Variants in ATL2 observed in about 807,000 individuals in gnomAD.
ATL2 encodes atlastin-2.
ATL2 carries 31 observed loss-of-function variants against 73.9 expected under a neutral mutation model. The observed-to-expected ratio is 0.42, with a 90% confidence interval of 0.32 to 0.57. The LOEUF is 0.57. ATL2 is among the 20% of genes least tolerant of loss of function. ATL2 has a pLI of 0.14. For missense variants in ATL2, 738 were observed against 702.6 expected (o/e 1.05, Z -0.57); for synonymous variants, 291 against 237.5 (o/e 1.23, Z -2.07).
Position 38,313,258 on chromosome 2 carries a change from A to T in ATL2, c.712-15T>A. The T allele has an allele frequency of 6.4e-7, 1 of 1,561,836 alleles. No homozygotes were observed. The highest frequency in any genetic ancestry group is 8.7e-7 in the Non-Finnish European group (1 of 1,151,000). ...AACATTAATGTCTATACACAGAAAA[A>T]ATAAAAATTGTTTATTTTACAATAA... is the stretch of plus-strand genomic sequence containing the variant. On this transcript the variant is annotated splice_polypyrimidine_tract_variant and intron_variant, in intron 6 of 12. Transcript: ENST00000378954.
chr2:38,366,229 G>C (rs931788342), intron 1 of ATL2, among the ~76,000 whole-genome samples: 1 of 152,146 alleles, frequency 6.6e-6, no homozygotes, highest in African/African-American at 2.4e-5. Flanking sequence ...CTCAAAAACA[G>C]GATGAAGGAA....
intron 1 of ATL2, chr2:38,359,738 T>C (rs1212811244): frequency 6.6e-6 from 1 of 152,176 alleles, no homozygotes; most frequent in African/African-American, 2.4e-5. Context: ...GGTTTATAAA[T>C]GTATAAACTC....
At chr2:38,368,795 T>C (rs1671498183) in intron 1 of ATL2, among the ~76,000 whole-genome samples, 1 of 151,974 alleles carries the variant, frequency 6.6e-6, no homozygotes. Context: ...AAGCAATTAA[T>C]AAAAAGAAGT....
In ATL2 at chr2:38,331,971, A is replaced by T. The variant is rs562207990; in HGVS notation, c.363+11297T>A. Among the ~76,000 whole-genome samples, 3 of 152,342 alleles carry T rather than the reference A, an allele frequency of 2.0e-5. No homozygotes were observed. In the East Asian group the frequency reaches 5.8e-4, roughly 29 times the overall value. On this transcript the variant is annotated intron_variant, in intron 2 of 12. Transcript: ENST00000378954. ...AATGGATAAAGTGTGGTATATCCACACAAGAGAATATTATTCAGCCATAAA... is the reference window on the plus strand; with the variant it reads ...AATGGATAAAGTGTGGTATATCCACTCAAGAGAATATTATTCAGCCATAAA...
At chr2:38,356,284 T>C (rs979492994) in intron 1 of ATL2, among the ~76,000 whole-genome samples, 4 of 151,962 alleles carry the variant, frequency 2.6e-5, no homozygotes, top group African/African-American at 7.3e-5. Flanking sequence ...AATGGTGCGA[T>C]CTCGGCTCAA....
intron 2 of ATL2, among the ~76,000 whole-genome samples, chr2:38,342,160 G>A (rs1573530374): frequency 6.6e-6 from 1 of 151,696 alleles, no homozygotes; most frequent in Non-Finnish European, 1.5e-5. Context: ...GTCAGGGAGA[G>A]ATAGGTAAGT....
chr2:38,343,516 G>C lies in ATL2; in HGVS notation c.119-4C>G. The C allele has an allele frequency of 1.3e-6, 2 of 1,599,144 alleles. No individual in the cohort carries two copies. Among genetic ancestry groups the C allele is most frequent in the East Asian group, 2.2e-5 (1 of 44,664 alleles). ...TCATCATCTTCATAATTCTCACCTA[G>C]AATTTAAAAAGAAAGAAACTGGTTA... On this transcript the variant is annotated splice_polypyrimidine_tract_variant and splice_region_variant and intron_variant, in intron 1 of 12. Coordinates refer to ENST00000378954, the MANE Select transcript of ATL2 (RefSeq NM_001135673.4).
chr2:38,325,622 G>GTACA (rs201332512), intron 2 of ATL2, among the ~76,000 whole-genome samples: 2 of 87,760 alleles, frequency 2.3e-5, no homozygotes, highest in African/African-American at 6.6e-5. Context: ...ACACACACCA[G>GTACA]TACATACACA....
At chr2:38,347,901 GAAC>G (rs1391977384) in intron 1 of ATL2, among the ~76,000 whole-genome samples, 3 of 151,422 alleles carry the variant, frequency 2.0e-5, no homozygotes, top group Non-Finnish European at 4.4e-5. Flanking sequence ...AGAGTAGCTG[GAAC>G]AACAGATGCC....
At chr2:38,296,578 G>A in intron 12 of ATL2, 4 of 1,613,950 alleles carry the variant, frequency 2.5e-6, no homozygotes, top group Non-Finnish European at 3.4e-6. Flanking sequence ...ACTTCAAACA[G>A]TTTGGAAAAC....
intron 7 of ATL2, among the ~76,000 whole-genome samples, chr2:38,312,049 A>T (rs929493701): frequency 2.0e-5 from 3 of 152,230 alleles, no homozygotes; most frequent in Non-Finnish European, 2.9e-5. Context: ...CAAGTCTTTA[A>T]TGCAGTTGAG....
At chr2:38,368,468 T>A (rs1383370010) in intron 1 of ATL2, among the ~76,000 whole-genome samples, 1 of 151,820 alleles carries the variant, frequency 6.6e-6, no homozygotes, top group East Asian at 1.9e-4. Context: ...GTCAGGCTGG[T>A]CTCGAACTCC....
intron 2 of ATL2, among the ~76,000 whole-genome samples, chr2:38,334,892 A>AATATATT (rs1553336548): frequency 1.1e-4 from 12 of 113,406 alleles, no homozygotes; most frequent in Admixed American, 2.7e-4. Context: ...ATAATATATA[A>AATATATT]TATATATTAT....
Position 38,299,248 on chromosome 2 carries a change from G to T in ATL2, c.1200+8C>A. 4 of 1,492,738 alleles carry T rather than the reference G, an allele frequency of 2.7e-6. No homozygotes were observed. Among genetic ancestry groups the T allele is most frequent in the South Asian group, 1.5e-5 (1 of 68,936 alleles). 92.5% of individuals were successfully genotyped at this position (1,492,738 alleles called of 1,614,324 possible). ...CTCCAGCATCAAATTTAAATTTTAG[G>T]TACAAACCTGTTCCATACTTTTACA... On this transcript the variant is annotated splice_region_variant and intron_variant, in intron 11 of 12. Transcript: ENST00000378954.
chr2:38,342,841 T>A lies in ATL2; in HGVS notation c.363+427A>T, dbSNP rs1013165613. On this transcript the variant is annotated intron_variant, in intron 2 of 12. Transcript: ENST00000378954. Reference sequence around the variant, plus strand: ...ATGCAGTATATGCAGAAGGGAATTATGGCGATGAAGAATCAAGAGCTCAAA... The same window carrying A: ...ATGCAGTATATGCAGAAGGGAATTAAGGCGATGAAGAATCAAGAGCTCAAA... 1.8e-4 allele frequency among the ~76,000 whole-genome samples: 28 copies of A among 152,226 alleles called. No individual in the cohort carries two copies. The South Asian group carries it at 3.9e-3, about 21-fold the overall frequency.
At chr2:38,348,620 T>C (rs1281712355) in intron 1 of ATL2, among the ~76,000 whole-genome samples, 3 of 151,334 alleles carry the variant, frequency 2.0e-5, no homozygotes, top group South Asian at 2.1e-4. Context: ...CATTAGTTGG[T>C]TTTTTAGAAG....
intron 2 of ATL2, among the ~76,000 whole-genome samples, chr2:38,328,205 A>G (rs749725639): frequency 8.5e-5 from 13 of 152,222 alleles, no homozygotes; most frequent in Non-Finnish European, 1.8e-4. Flanking sequence ...ATTGAACTCC[A>G]AAGAGTAACA....
intron 1 of ATL2, among the ~76,000 whole-genome samples, chr2:38,361,400 T>C (rs1476990985): frequency 6.9e-6 from 1 of 144,256 alleles, no homozygotes; most frequent in Admixed American, 6.9e-5. Context: ...AGCTACAAAA[T>C]ACAGTCTGAA....
At chr2:38,350,109 T>C (rs1460479836) in intron 1 of ATL2, among the ~76,000 whole-genome samples, 1 of 152,174 alleles carries the variant, frequency 6.6e-6, no homozygotes, top group Non-Finnish European at 1.5e-5. Context: ...AGTCTCTAAA[T>C]TCCACACCAC....
Sources: allele counts gnomAD v4.1 joint callset (sites outside exome capture counted in the v4.1 genomes callset), GRCh38; gene constraint gnomAD v4.1.1; transcripts MANE v1.5; gene names NCBI Gene and HGNC (gene_info 2026-07-23, HGNC 2026-07-21).